The following ARFGEF1 variants were observed in gnomAD, a reference collection of about 807,000 sequenced individuals.
ARFGEF1 encodes ARF guanine nucleotide exchange factor 1.
A neutral mutation model predicts 231.0 loss-of-function variants in ARFGEF1; 42 were observed. The observed-to-expected ratio is 0.18, with a 90% confidence interval of 0.14 to 0.24. The LOEUF (loss-of-function observed/expected upper bound fraction) is 0.24, where lower values mean the gene tolerates loss of function less well. Among genes scored for constraint, ARFGEF1 ranks in the 10% least tolerant of loss-of-function variants. The pLI is 1.00. For missense variants in ARFGEF1, 1,345 were observed against 2,192.0 expected (o/e 0.61, Z 7.72); for synonymous variants, 710 against 732.3 (o/e 0.97, Z 0.49).
intron 29 of ARFGEF1, among the ~76,000 whole-genome samples, chr8:67,222,746 G>C (rs1189961007): frequency 6.6e-6 from 1 of 151,924 alleles, no homozygotes; most frequent in African/African-American, 2.4e-5. Context: ...CACCATGCCT[G>C]GCCAAATTTT....
intron 1 of ARFGEF1, among the ~76,000 whole-genome samples, chr8:67,325,687 G>T (rs1807801168): frequency 2.6e-5 from 4 of 152,076 alleles, no homozygotes. Flanking sequence ...ATTCCCAAAG[G>T]TTATCTGCAA....
At chr8:67,272,026 A>C in intron 9 of ARFGEF1, 90 bp from the exon 10 acceptor site, 1 of 756,236 alleles carries the variant, frequency 1.3e-6, no homozygotes, top group South Asian at 2.0e-5. Context: ...AGATACACAT[A>C]ATCATAATTT....
chr8:67,292,864 C>T (rs1026864476), intron 5 of ARFGEF1, among the ~76,000 whole-genome samples: 1 of 152,080 alleles, frequency 6.6e-6, no homozygotes, highest in Middle Eastern at 3.4e-3. Context: ...AATTAATTTC[C>T]ACCAAGATAA....
At position 67,232,945 on chromosome 8, in the gene ARFGEF1, A is replaced by G. The variant is rs1279159476; in HGVS notation, c.3290T>C (p.Val1097Ala). ...CTGTTTCCAGTCCACATTTCCTCCA[A>G]CTACCACACATAAAAAAAAGTCATT... is the stretch of plus-strand genomic sequence containing the variant. ...APDEFVGLGLVGGNVDWKQIA... is the reference protein window; with the variant it reads ...APDEFVGLGLAGGNVDWKQIA... Residue 1097 changes from valine (V) to alanine (A), a missense_variant and splice_region_variant, in exon 23 of 39, where the codon GTT becomes GCT. Around this residue, in one of 14 missense-constraint regions of ARFGEF1, gnomAD observed 146 missense variants for 321.4 expected, o/e 0.45. Transcript: ENST00000262215. The G allele has an allele frequency of 1.9e-6, 3 of 1,604,402 alleles. No homozygotes were observed. Among genetic ancestry groups the G allele is most frequent in the Non-Finnish European group, 2.6e-6 (3 of 1,174,532 alleles).
rs1180521239 is a variant in ARFGEF1, at chr8:67,311,512, TG to T, written c.125-9047del. Among the ~76,000 whole-genome samples, 75 of 60,158 alleles carry T rather than the reference TG, an allele frequency of 1.2e-3. 3 individuals are homozygous for T. In the South Asian group the frequency reaches 0.034, roughly 27 times the overall value. The allele number at this position is 60,158 out of a possible 152,430, so 39.5% of individuals were successfully genotyped here. ...CCAGCCGCCCCGTCCGGGAGGGAGGTGGGGGGGGGTCAGCCCCCTGCCTGGC... is the reference window on the plus strand; with the variant it reads ...CCAGCCGCCCCGTCCGGGAGGGAGGTGGGGGGGGTCAGCCCCCTGCCTGGC... On this transcript the variant is annotated intron_variant, in intron 1 of 38. Transcript: ENST00000262215.
chr8:67,193,976 A>G (rs1300325511), downstream of ARFGEF1, among the ~76,000 whole-genome samples: 1 of 152,258 alleles, frequency 6.6e-6, no homozygotes, highest in Admixed American at 6.5e-5. Context: ...CTTATGCTGT[A>G]TATTTGCAGT....
intron 5 of ARFGEF1, among the ~76,000 whole-genome samples, chr8:67,292,440 A>ATGT (rs1301332458): frequency 2.0e-5 from 3 of 152,142 alleles, no homozygotes; most frequent in Non-Finnish European, 4.4e-5. Context: ...AGTCTATAAA[A>ATGT]ATACATAAGA....
chr8:67,315,323 C>A (rs993544275), intron 1 of ARFGEF1, among the ~76,000 whole-genome samples: 1 of 152,036 alleles, frequency 6.6e-6, no homozygotes, highest in African/African-American at 2.4e-5. Context: ...AAGAAGTAAA[C>A]ATCCCTCTTA....
Position 67,277,457 on chromosome 8 carries a change from T to C in ARFGEF1, c.1028A>G (p.Asp343Gly), listed in dbSNP as rs1805359879. The C allele has an allele frequency of 1.2e-6, 2 of 1,610,930 alleles. No homozygotes were observed. Among genetic ancestry groups the C allele is most frequent in the African/African-American group, 1.3e-5 (1 of 74,760 alleles). Residue 343 changes from aspartate to glycine, a missense_variant and splice_region_variant, in exon 8 of 39, where the codon GAT becomes GGT. Around this residue, in one of 14 missense-constraint regions of ARFGEF1, gnomAD observed 398 missense variants for 463.2 expected, o/e 0.86. Coordinates refer to ENST00000262215, the MANE Select transcript of ARFGEF1 (RefSeq NM_006421.5). ...VEEMVNIVVG[D>G]MGEGTTINAS... ...ATTTATAGTAGTCCCTTCTCCCATA[T>C]CTAAAATGATAAGAATAAAAACCAT...
downstream of ARFGEF1, chr8:67,196,153 A>ACAT (rs1293407011): frequency 1.3e-5 from 2 of 152,272 alleles, no homozygotes; most frequent in East Asian, 3.8e-4. Flanking sequence ...AATGTTTGTT[A>ACAT]CATCATCTTT....
At chr8:67,326,321 TTGGTA>T (rs1328860323) in intron 1 of ARFGEF1, among the ~76,000 whole-genome samples, 1 of 152,220 alleles carries the variant, frequency 6.6e-6, no homozygotes, top group Non-Finnish European at 1.5e-5. Context: ...TGAAAAGAAC[TTGGTA>T]TCCATCTCTA....
At chr8:67,294,115 T>C (rs1349980257) in intron 5 of ARFGEF1, among the ~76,000 whole-genome samples, 2 of 152,082 alleles carry the variant, frequency 1.3e-5, no homozygotes, top group Non-Finnish European at 2.9e-5. Context: ...GTATAACAAC[T>C]ATTTACAAAG....
chr8:67,264,773 C>A (rs564142701), intron 14 of ARFGEF1, among the ~76,000 whole-genome samples: 3 of 152,234 alleles, frequency 2.0e-5, no homozygotes, highest in South Asian at 4.1e-4. Flanking sequence ...CACTTCGAAG[C>A]CCTCTGACTA....
At chr8:67,327,417 A>G (rs1314508825) in intron 1 of ARFGEF1, among the ~76,000 whole-genome samples, 2 of 150,702 alleles carry the variant, frequency 1.3e-5, no homozygotes, top group African/African-American at 4.9e-5. Flanking sequence ...TCCCAGGTTC[A>G]AGCTATCATC....
At chr8:67,195,252 C>CTACT (rs1278802354), downstream of ARFGEF1, 14 of 725,270 alleles carry the variant, frequency 1.9e-5, no homozygotes, top group African/African-American at 5.2e-5. Context: ...AACAAACAAA[C>CTACT]AGTAGAGTTC....
Position 67,244,680 on chromosome 8 carries a change from C to G in ARFGEF1, c.2851-4390G>C, listed in dbSNP as rs1245622401. Among the ~76,000 whole-genome samples, 3 of 149,810 alleles carry G rather than the reference C, an allele frequency of 2.0e-5. 1 individual carries two copies. Among genetic ancestry groups the G allele is most frequent in the African/African-American group, 7.5e-5 (3 of 39,990 alleles). On this transcript the variant is annotated intron_variant, in intron 19 of 38. Transcript: ENST00000262215. ...GAAGACAGGCTATCTGAAAAAAATA[C>G]AGTCAGAGGAGACAAAAGAAAAAAG... is the stretch of plus-strand genomic sequence containing the variant.
At position 67,199,046 on chromosome 8, in the gene ARFGEF1, A is replaced by G; in HGVS notation, c.5438T>C (p.Phe1813Ser). Residue 1813 changes from phenylalanine to serine, a missense_variant, in exon 39 of 39, where the codon TTT (phenylalanine) becomes TCT (serine). This residue lies in a region of ARFGEF1 where 161 missense variants were observed against 284.9 expected (regional missense o/e 0.57). Transcript: ENST00000262215. ...YYPLLCEIMQFDLIPELRAVL... is the reference protein window; with the variant it reads ...YYPLLCEIMQSDLIPELRAVL... Reference sequence around the variant, plus strand: ...AGCACGAAGTTCAGGAATCAAGTCAAATTGCATAATTTCACATAAGAGAGG... The same window carrying G: ...AGCACGAAGTTCAGGAATCAAGTCAGATTGCATAATTTCACATAAGAGAGG... The G allele has an allele frequency of 6.2e-7, 1 of 1,610,752 alleles. No individual in the cohort carries two copies. Among genetic ancestry groups the G allele is most frequent in the Non-Finnish European group, 8.5e-7 (1 of 1,179,272 alleles).
At chr8:67,221,782 G>A (rs1217869141) in intron 29 of ARFGEF1, among the ~76,000 whole-genome samples, 1 of 151,134 alleles carries the variant, frequency 6.6e-6, no homozygotes, top group African/African-American at 2.4e-5. Flanking sequence ...CATGGTAAGT[G>A]CCCTATATGG....
At chr8:67,256,672 A>T (rs1303112506) in intron 17 of ARFGEF1, among the ~76,000 whole-genome samples, 1 of 152,206 alleles carries the variant, frequency 6.6e-6, no homozygotes, top group East Asian at 1.9e-4. Context: ...AATTTTACCC[A>T]AGGATGTCAA....
Sources: gnomAD v4.1 joint callset for allele counts (sites outside exome capture counted in the v4.1 genomes callset) on GRCh38, gnomAD v4.1.1 for gene constraint, gnomAD v4.1.1 regional missense constraint, MANE v1.5 for transcripts, NCBI Gene and HGNC (gene_info 2026-07-23, HGNC 2026-07-21) for gene names.